ZNF366: variants seen among roughly 807,000 people sequenced by gnomAD.
ZNF366 encodes dendritic cell-specific transcript protein.
A neutral mutation model predicts 47.2 loss-of-function variants in ZNF366; 20 were observed. The ratio of observed to expected loss-of-function variants is 0.42; its 90% CI spans 0.30 to 0.62. ZNF366 has a LOEUF of 0.62. Among genes scored for constraint, ZNF366 ranks in the 20% least tolerant of loss-of-function variants. The probability of loss-of-function intolerance (pLI) is 0.16; values close to 1 mark genes in which losing one functional copy is unlikely to be tolerated. For missense variants in ZNF366, 987 were observed against 976.3 expected (o/e 1.01, Z -0.15); for synonymous variants, 421 against 395.1 (o/e 1.07, Z -0.78).
At chr5:72,497,658 G>T (rs1744140750) in intron 1 of ZNF366, among the ~76,000 whole-genome samples, 1 of 152,106 alleles carries the variant, frequency 6.6e-6, no homozygotes, top group Non-Finnish European at 1.5e-5. Context: ...AATTCAAGAG[G>T]AGTCAATGTT....
At chr5:72,462,547 C>CTTTCTTTCTTTT (rs11275151) in intron 1 of ZNF366, among the ~76,000 whole-genome samples, 6 of 78,930 alleles carry the variant, frequency 7.6e-5, no homozygotes, top group African/African-American at 3.6e-4. Flanking sequence ...TTCTTTCTTT[C>CTTTCTTTCTTTT]TTTTTTTTTT....
intron 3 of ZNF366, among the ~76,000 whole-genome samples, chr5:72,450,918 G>A (rs1387360723): frequency 2.6e-5 from 4 of 152,218 alleles, no homozygotes; most frequent in African/African-American, 9.7e-5. Flanking sequence ...GCTCTTGGGT[G>A]GAGCCTGAGA....
intron 1 of ZNF366, among the ~76,000 whole-genome samples, chr5:72,486,593 C>T (rs1423512408): frequency 6.6e-6 from 1 of 152,202 alleles, no homozygotes; most frequent in Non-Finnish European, 1.5e-5. Context: ...CAGTAGCCAA[C>T]ACATAGTGCA....
chr5:72,460,886 A>C lies in ZNF366; in HGVS notation c.611T>G (p.Leu204Arg). Residue 204 changes from leucine to arginine, a missense_variant, in exon 2 of 5, where the codon CTG (leucine) becomes CGG (arginine). Coordinates refer to ENST00000318442, the MANE Select transcript of ZNF366 (RefSeq NM_152625.3). ...SPFPFSRHTF[L>R]PKQPPEPLLP... ...CAGAGGTTCCGGGGGCTGCTTGGGC[A>C]GGAAGGTGTGCCGGCTGAAGGGGAA... is the stretch of plus-strand genomic sequence containing the variant. 2 of 1,613,600 alleles carry C rather than the reference A, an allele frequency of 1.2e-6. No homozygotes were observed. The highest frequency in any genetic ancestry group is 1.7e-6 in the Non-Finnish European group (2 of 1,179,670).
Position 72,440,953 on chromosome 5 carries a change from C to T in ZNF366, c.*2803G>A, listed in dbSNP as rs1198745333. On this transcript the variant is annotated 3_prime_UTR_variant, in exon 5 of 5. Coordinates refer to ENST00000318442, the MANE Select transcript of ZNF366 (RefSeq NM_152625.3). ...TTATTTCTCCTAGACCTTTTTACTGCCTCCAAATAAAATTTTACTTAGAAT... is the reference window on the plus strand; with the variant it reads ...TTATTTCTCCTAGACCTTTTTACTGTCTCCAAATAAAATTTTACTTAGAAT... The T allele has an allele frequency of 6.6e-6, 1 of 152,128 alleles. No homozygotes were observed. The highest frequency in any genetic ancestry group is 6.5e-5 in the Admixed American group (1 of 15,282). 9.4% of individuals were successfully genotyped at this position (152,128 alleles called of 1,614,324 possible). A position where few individuals can be genotyped will look rare whatever the true frequency, so the allele number is the denominator to read the frequency against.
At chr5:72,482,218 T>C (rs760673480) in intron 1 of ZNF366, among the ~76,000 whole-genome samples, 9 of 152,232 alleles carry the variant, frequency 5.9e-5, no homozygotes, top group Non-Finnish European at 1.0e-4. Context: ...TTGAAATGAA[T>C]GTTTTACCTA....
At chr5:72,482,150 G>T (rs1743800392) in intron 1 of ZNF366, among the ~76,000 whole-genome samples, 1 of 152,132 alleles carries the variant, frequency 6.6e-6, no homozygotes, top group African/African-American at 2.4e-5. Flanking sequence ...TGCTCTTCCA[G>T]GAGTATGAAA....
At chr5:72,489,353 T>C (rs138404747) in intron 1 of ZNF366, among the ~76,000 whole-genome samples, 1,559 of 152,352 alleles carry the variant, frequency 0.01, 25 homozygotes, top group Non-Finnish European at 0.012. Context: ...TGGATTTATA[T>C]AGTGGATATG....
chr5:72,489,935 G>A (rs1294934461), intron 1 of ZNF366, among the ~76,000 whole-genome samples: 1 of 152,218 alleles, frequency 6.6e-6, no homozygotes, highest in Non-Finnish European at 1.5e-5. Context: ...CAGGATACAG[G>A]CATCTCATGG....
chr5:72,471,339 C>T (rs775501495), intron 1 of ZNF366, among the ~76,000 whole-genome samples: 2 of 152,156 alleles, frequency 1.3e-5, no homozygotes, highest in South Asian at 2.1e-4. Flanking sequence ...TCTTCTCATT[C>T]GTCTGCTTCA....
At chr5:72,477,443 G>A (rs1743697034) in intron 1 of ZNF366, among the ~76,000 whole-genome samples, 1 of 152,206 alleles carries the variant, frequency 6.6e-6, no homozygotes, top group Non-Finnish European at 1.5e-5. Context: ...GACAAGGAAG[G>A]ATGACTATTC....
chr5:72,459,099 G>A (rs1743250080), intron 2 of ZNF366, among the ~76,000 whole-genome samples: 1 of 152,170 alleles, frequency 6.6e-6, no homozygotes. Flanking sequence ...AGCTGTTTGT[G>A]CAGAGCCCAC....
intron 3 of ZNF366, among the ~76,000 whole-genome samples, chr5:72,452,007 G>A (rs1309730634): frequency 6.6e-6 from 1 of 152,230 alleles, no homozygotes; most frequent in African/African-American, 2.4e-5. Flanking sequence ...TGTGGCCAGA[G>A]ACAGGGTGAT....
intron 1 of ZNF366, among the ~76,000 whole-genome samples, chr5:72,490,670 G>A (rs113018783): frequency 2.3e-4 from 35 of 152,236 alleles, no homozygotes; most frequent in African/African-American, 6.0e-4. Context: ...TCTATTTTTC[G>A]TCATGCCAGA....
chr5:72,456,662 C>T (rs1743192764), intron 2 of ZNF366, 67 bp from the exon 3 acceptor site: 16 of 1,428,154 alleles, frequency 1.1e-5, no homozygotes, highest in Non-Finnish European at 1.5e-5. Flanking sequence ...GGATCATAGG[C>T]TTCATTTTCC....
chr5:72,504,225 G>C (rs1744275548), intron 1 of ZNF366, among the ~76,000 whole-genome samples: 1 of 152,018 alleles, frequency 6.6e-6, no homozygotes, highest in Admixed American at 6.5e-5. Context: ...CCCTGGGCAG[G>C]AGGAGAATGT....
intron 1 of ZNF366, among the ~76,000 whole-genome samples, chr5:72,499,304 CTGAT>C (rs1744164847): frequency 1.3e-5 from 2 of 152,184 alleles, no homozygotes; most frequent in African/African-American, 2.4e-5. Flanking sequence ...TGCTGCATCA[CTGAT>C]TGTTTCCTGA....
intron 3 of ZNF366, among the ~76,000 whole-genome samples, chr5:72,452,941 A>G (rs746492607): frequency 6.6e-6 from 1 of 151,418 alleles, no homozygotes; most frequent in South Asian, 2.1e-4. Context: ...CTCTGGAAAA[A>G]CTCCAGCTGG....
chr5:72,502,407 T>C (rs1425449340), intron 1 of ZNF366, among the ~76,000 whole-genome samples: 2 of 152,240 alleles, frequency 1.3e-5, no homozygotes, highest in Non-Finnish European at 2.9e-5. Flanking sequence ...TGTCTCTATG[T>C]TCCTGTCAGA....
Sources: gnomAD v4.1 joint callset for allele counts (sites outside exome capture counted in the v4.1 genomes callset) on GRCh38, gnomAD v4.1.1 for gene constraint, MANE v1.5 for transcripts, NCBI Gene and HGNC (gene_info 2026-07-23, HGNC 2026-07-21) for gene names.